The following RIMBP2 variants were observed in gnomAD, a reference collection of about 807,000 sequenced individuals.
The protein encoded by RIMBP2 is RIMS-binding protein 2.
Under a neutral mutation model 118.6 loss-of-function variants are expected in RIMBP2, and 48 were observed. The observed-to-expected ratio is 0.40, with a 90% confidence interval of 0.32 to 0.51. RIMBP2 has a LOEUF of 0.51. RIMBP2 is among the 20% of genes least tolerant of loss of function. The pLI, the probability that RIMBP2 is intolerant of heterozygous loss-of-function variation, is 0.41. For missense variants in RIMBP2, 1,551 were observed against 1,768.3 expected, an observed-to-expected ratio of 0.88 and a Z score of 2.20; for synonymous variants, 762 against 742.9, an observed-to-expected ratio of 1.03 and a Z score of -0.42.
Position 130,447,050 on chromosome 12 carries a change from C to T in RIMBP2, c.582-1781G>A, listed in dbSNP as rs1414167623. ...TCTGGATGGGTAGATGGCCGAGACA[C>T]AGAAGCTGGCAGAGTGTTCTCGGAG... On this transcript the variant is annotated intron_variant, in intron 9 of 22. Coordinates refer to ENST00000690449, the MANE Select transcript of RIMBP2 (RefSeq NM_001393629.1). This position sits in a 1 kb window ranked among gnomAD's most constrained non-coding sequence, Gnocchi z 4.4. Among the ~76,000 whole-genome samples, 2 of 151,068 alleles carry T rather than the reference C, an allele frequency of 1.3e-5. No homozygotes were observed. Among genetic ancestry groups the T allele is most frequent in the African/African-American group, 2.4e-5 (1 of 40,994 alleles).
rs980460911 is a variant in RIMBP2 at position 130,653,303 on chromosome 12, CAAAG to C, written c.-351-24851_-351-24848del. On this transcript the variant is annotated intron_variant, in intron 1 of 22. Transcript: ENST00000690449. Reference sequence around the variant, plus strand: ...CCCATTCCAAATGTGACAAATTGGCCAAAGAAAGGGGCAACAAGGCCCATACCAC... The same window carrying C: ...CCCATTCCAAATGTGACAAATTGGCCAAAGGGGCAACAAGGCCCATACCAC... 8.5e-5 allele frequency among the ~76,000 whole-genome samples: 13 copies of C among 152,252 alleles called. No individual in the cohort carries two copies. In the East Asian group the frequency reaches 2.3e-3, roughly 27 times the overall value.
At chr12:130,539,394 T>C (rs61934584) in intron 2 of RIMBP2, among the ~76,000 whole-genome samples, 13,317 of 152,308 alleles carry the variant, frequency 0.087, 721 homozygotes, top group South Asian at 0.17. Context: ...AAGAAGGTGA[T>C]GTCTGAGCAA....
intron 21 of RIMBP2, among the ~76,000 whole-genome samples, chr12:130,405,456 A>G (rs2075071806): frequency 6.6e-6 from 1 of 151,922 alleles, no homozygotes; most frequent in Non-Finnish European, 1.5e-5. Context: ...CAAGGTGGGG[A>G]CCCCCACTGG....
At position 130,450,220 on chromosome 12, in the gene RIMBP2, G is replaced by T; in HGVS notation, c.561C>A (p.His187Gln). 1 of 1,608,736 alleles carries T rather than the reference G, an allele frequency of 6.2e-7. No individual in the cohort carries two copies. Among genetic ancestry groups the T allele is most frequent in the Non-Finnish European group, 8.5e-7 (1 of 1,177,196 alleles). The change falls in exon 9 of 23, where the codon CAC (histidine) becomes CAA (glutamine). Residue 187 changes from histidine to glutamine, a missense_variant. Coordinates refer to ENST00000690449, the MANE Select transcript of RIMBP2 (RefSeq NM_001393629.1). The surrounding 1 kb of genome is among the most constrained non-coding windows in gnomAD (Gnocchi z 4.8). The stretch of plus-strand genomic sequence containing the variant: ...CTTACCTATAGCGGGCAACACAGAG[G>T]TGGACCTTCCCCGAGTATCTCTGCT... ...TSKQRYSGKV[H>Q]LCVARYSYNP... is the part of the protein sequence containing the mutation.
At chr12:130,462,435 G>A (rs1593392845) in intron 6 of RIMBP2, among the ~76,000 whole-genome samples, 2 of 152,208 alleles carry the variant, frequency 1.3e-5, no homozygotes, top group Admixed American at 6.5e-5. Flanking sequence ...CGTCTCCACC[G>A]AGGCCCAAGG....
At position 130,414,230 on chromosome 12, in the gene RIMBP2, C is replaced by T. The variant is rs138726483; in HGVS notation, c.3315G>A (p.Pro1105=). ...SETDPGAEEL[P]ARIFVALFDY... The stretch of plus-strand genomic sequence containing the variant: ...CAAAGAGAGCCACAAAGATCCGGGC[C>T]GGGAGCTCTTCGGCACCAGGGTCAG... The change falls in exon 18 of 23, where the codon CCG becomes CCA. Residue 1105 remains proline, a synonymous_variant. Coordinates refer to ENST00000690449, the MANE Select transcript of RIMBP2 (RefSeq NM_001393629.1). The T allele has an allele frequency of 2.9e-4, 476 of 1,614,066 alleles. 5 individuals carry two copies. In the South Asian group the frequency reaches 5.0e-3, roughly 17 times the overall value.
intron 5 of RIMBP2, among the ~76,000 whole-genome samples, chr12:130,471,491 C>A (rs372927659): frequency 6.6e-6 from 1 of 152,214 alleles, no homozygotes; most frequent in African/African-American, 2.4e-5. Flanking sequence ...TTGTAGCCCT[C>A]GGCATAGTTC....
rs1304967818 is a variant in RIMBP2 at position 130,397,443 on chromosome 12, C to T, written c.4007G>A (p.Gly1336Asp). Residue 1336 changes from glycine (G) to aspartate (D), a missense_variant, in exon 23 of 23, where the codon GGC becomes GAC. Gly to Asp is a moderately conservative substitution (Grantham distance 94, BLOSUM62 -1). Coordinates refer to ENST00000690449, the MANE Select transcript of RIMBP2 (RefSeq NM_001393629.1). ...TTTCTTTTTCGAGGACATTTCCCTG[C>T]CTCTCCCAGGACTACCAGAACCCAT... ...SSMGSGSPGR[G>D]REMSSKKKKG... 3 of 398,914 alleles carry T rather than the reference C, an allele frequency of 7.5e-6. No individual in the cohort carries two copies. Among genetic ancestry groups the T allele is most frequent in the Admixed American group, 4.4e-5 (1 of 22,702 alleles). 24.7% of individuals were successfully genotyped at this position (398,914 alleles called of 1,614,324 possible).
chr12:130,573,437 T>C (rs1186508557), intron 2 of RIMBP2, among the ~76,000 whole-genome samples: 1 of 151,930 alleles, frequency 6.6e-6, no homozygotes, highest in East Asian at 1.9e-4. Flanking sequence ...CGTGGGTGTG[T>C]GCGTGGGTGC....
At chr12:130,679,811 T>C (rs1341258211) in intron 1 of RIMBP2, among the ~76,000 whole-genome samples, 1 of 152,250 alleles carries the variant, frequency 6.6e-6, no homozygotes, top group Non-Finnish European at 1.5e-5. Context: ...TAAAGATGAA[T>C]GTCCCTGTGT....
At chr12:130,610,973 C>T (rs2060506997) in intron 2 of RIMBP2, among the ~76,000 whole-genome samples, 1 of 152,222 alleles carries the variant, frequency 6.6e-6, no homozygotes, top group Non-Finnish European at 1.5e-5. Context: ...CACTCTGCCT[C>T]CGAGTTCCCT....
Position 130,442,296 on chromosome 12 carries a change from C to G in RIMBP2, c.1056G>C (p.Leu352=), listed in dbSNP as rs746232318. The G allele has an allele frequency of 2.0e-5, 33 of 1,614,138 alleles. No individual in the cohort carries two copies. The highest frequency in any genetic ancestry group is 2.8e-5 in the Non-Finnish European group (33 of 1,180,060). Residue 352 remains leucine (L), a synonymous_variant, in exon 11 of 23, where the codon CTG becomes CTC. Coordinates refer to ENST00000690449, the MANE Select transcript of RIMBP2 (RefSeq NM_001393629.1). This position sits in a 1 kb window ranked among gnomAD's most constrained non-coding sequence, Gnocchi z 6.9. ...GGTTCATGCGTGTCTCCTTGTCCACCAGGACGTTGTAGCTGCTCACCGTTC... is the reference window on the plus strand; with the variant it reads ...GGTTCATGCGTGTCTCCTTGTCCACGAGGACGTTGTAGCTGCTCACCGTTC... ...GWGTVSSYNV[L]VDKETRMNLT...
At chr12:130,423,656 C>CAAAAAAAAA (rs36000671) in intron 16 of RIMBP2, among the ~76,000 whole-genome samples, 1 of 50,130 alleles carries the variant, frequency 2.0e-5, no homozygotes, top group Non-Finnish European at 3.5e-5. Flanking sequence ...AAACAATATG[C>CAAAAAAAAA]AAAAAAAAAA....
intron 1 of RIMBP2, among the ~76,000 whole-genome samples, chr12:130,690,381 C>T (rs1009747351): frequency 1.3e-5 from 2 of 152,150 alleles, no homozygotes; most frequent in African/African-American, 4.8e-5. Context: ...TCCTGCTGCC[C>T]GAGAACCTGA....
intron 1 of RIMBP2, among the ~76,000 whole-genome samples, chr12:130,698,220 G>A (rs1456970623): frequency 6.6e-6 from 1 of 152,188 alleles, no homozygotes; most frequent in Non-Finnish European, 1.5e-5. Context: ...CAGAGGGGGT[G>A]CAACCGTGAC....
chr12:130,434,476 G>A lies in RIMBP2; in HGVS notation c.2253+258C>T, dbSNP rs1026069561. 4.2e-4 allele frequency among the ~76,000 whole-genome samples: 64 copies of A among 152,132 alleles called. No individual in the cohort carries two copies. The highest frequency in any genetic ancestry group is 1.5e-3 in the African/African-American group (61 of 41,412). ...GACCTGCAAAACCACCCCTATGACC[G>A]AATACCAGGATGGTGCAGCGGGGGA... On this transcript the variant is annotated intron_variant, in intron 14 of 22. Transcript: ENST00000690449. The surrounding 1 kb of genome is among the most constrained non-coding windows in gnomAD (Gnocchi z 5.7).
chr12:130,606,816 G>A (rs10848157), intron 2 of RIMBP2, among the ~76,000 whole-genome samples: 96,344 of 151,918 alleles, frequency 0.63, 30,876 homozygotes, highest in East Asian at 0.81. Flanking sequence ...GCAACAGTCC[G>A]AGTCACCACA....
intron 22 of RIMBP2, chr12:130,397,971 T>A (rs1459951430): frequency 1.3e-5 from 2 of 153,532 alleles, no homozygotes; most frequent in Non-Finnish European, 2.9e-5. Context: ...TATAAAATCC[T>A]GATATTGTTA....
intron 1 of RIMBP2, among the ~76,000 whole-genome samples, chr12:130,632,008 A>T (rs987229420): frequency 3.3e-5 from 5 of 152,238 alleles, no homozygotes; most frequent in Non-Finnish European, 7.3e-5. Flanking sequence ...TTTTCTTTAA[A>T]CTACATGAAA....
Sources: allele counts gnomAD v4.1 joint callset (sites outside exome capture counted in the v4.1 genomes callset), GRCh38; gene constraint gnomAD v4.1.1; non-coding constraint Gnocchi (gnomAD v3.1); transcripts MANE v1.5; gene names NCBI Gene and HGNC (gene_info 2026-07-23, HGNC 2026-07-21).